Variants in DSG1 observed in about 807,000 individuals in gnomAD.
DSG1 encodes desmoglein 1.
A neutral mutation model predicts 97.5 loss-of-function variants in DSG1; 39 were observed. That is an observed-to-expected ratio of 0.40 (90% confidence interval 0.31 to 0.52). The LOEUF (loss-of-function observed/expected upper bound fraction) is 0.52, where lower values mean the gene tolerates loss of function less well. Ranked by LOEUF, DSG1 falls within the 20% of genes least tolerant of loss-of-function variation. DSG1 has a pLI of 0.53. For missense variants in DSG1, 1,311 were observed against 1,295.4 expected, an observed-to-expected ratio of 1.01 and a Z score of -0.18; for synonymous variants, 475 against 443.4, an observed-to-expected ratio of 1.07 and a Z score of -0.90.
intron 11 of DSG1, 150 bp downstream of exon 11, chr18:31,340,175 A>C (rs2071780211): frequency 3.4e-6 from 3 of 876,378 alleles, no homozygotes; most frequent in African/African-American, 3.4e-5. Context: ...TGGGTTTATA[A>C]GATGAAAAAA....
Position 31,328,387 on chromosome 18 carries a change from C to T in DSG1, c.372+43C>T, listed in dbSNP as rs199753914. ...CAATATATATGTTCATGCTTAAATT[C>T]TTCTCAGAAGTTCTTAATCTCAGAT... On this transcript the variant is annotated intron_variant, in intron 4 of 14. Coordinates refer to ENST00000257192, the MANE Select transcript of DSG1 (RefSeq NM_001942.4). The T allele has an allele frequency of 9.6e-5, 151 of 1,580,114 alleles. No homozygotes were observed. In the East Asian group the frequency reaches 3.3e-3, roughly 34 times the overall value.
chr18:31,325,861 C>T (rs1462749657), intron 1 of DSG1, among the ~76,000 whole-genome samples: 2 of 152,084 alleles, frequency 1.3e-5, no homozygotes, highest in East Asian at 1.9e-4. Flanking sequence ...ATATCCAAGA[C>T]TCAATTTCCT....
chr18:31,321,713 C>T (rs528499788), intron 1 of DSG1, among the ~76,000 whole-genome samples: 6 of 152,284 alleles, frequency 3.9e-5, no homozygotes, highest in Non-Finnish European at 7.4e-5. Context: ...AGAATGCTGT[C>T]TTAAATCTGA....
At chr18:31,319,155 T>C (rs1021588525) in intron 1 of DSG1, among the ~76,000 whole-genome samples, 4 of 152,234 alleles carry the variant, frequency 2.6e-5, no homozygotes, top group African/African-American at 9.6e-5. Context: ...GTAGAGATAA[T>C]ACTAAGTGCA....
Position 31,326,579 on chromosome 18 carries a change from A to T in DSG1, c.49-2A>T. On this transcript the variant is annotated splice_acceptor_variant, in intron 1 of 14. Coordinates refer to ENST00000257192, the MANE Select transcript of DSG1 (RefSeq NM_001942.4). LOFTEE classifies it high-confidence loss of function. ...CTAGTGTGATTATCTTATTTTTTAC[A>T]GGTGGTGGTAGAAGTTAACAGTGAA... 6.3e-7 allele frequency: 1 copy of T among 1,598,724 alleles called. No individual in the cohort carries two copies. Among genetic ancestry groups the T allele is most frequent in the Non-Finnish European group, 8.6e-7 (1 of 1,167,108 alleles).
intron 6 of DSG1, 146 bp downstream of exon 6, chr18:31,332,013 T>A: frequency 1.3e-6 from 1 of 745,388 alleles, no homozygotes; most frequent in Non-Finnish European, 2.1e-6. Context: ...ATGTAAGAAA[T>A]ATTTTTTAAA....
chr18:31,345,769 T>C (rs1412482656), intron 13 of DSG1, among the ~76,000 whole-genome samples: 1 of 152,204 alleles, frequency 6.6e-6, no homozygotes, highest in Non-Finnish European at 1.5e-5. Flanking sequence ...CAGCAGAGAA[T>C]ATAGTAATCT....
Position 31,339,841 on chromosome 18 carries a change from T to C in DSG1, c.1503T>C (p.Thr501=), listed in dbSNP as rs1452368295. 1.2e-6 allele frequency: 2 copies of C among 1,614,022 alleles called. No homozygotes were observed. The highest frequency in any genetic ancestry group is 1.7e-6 in the Non-Finnish European group (2 of 1,179,886). Residue 501 remains threonine, a synonymous_variant, in exon 11 of 15, where the codon ACT becomes ACC. Coordinates refer to ENST00000257192, the MANE Select transcript of DSG1 (RefSeq NM_001942.4). ...RTNTEPNTKI[T]TNTGRQESTS... is the part of the protein sequence containing the mutation. ...ATACAGAGCCGAACACTAAAATTAC[T>C]ACCAATACTGGCAGACAAGAAAGTA... is the stretch of plus-strand genomic sequence containing the variant.
chr18:31,355,162 G>C lies in DSG1; in HGVS notation c.2966G>C (p.Gly989Ala). Residue 989 changes from glycine (G) to alanine (A), a missense_variant, in exon 15 of 15, where the codon GGT becomes GCT. Gly to Ala is a moderately conservative substitution (Grantham distance 60). This residue lies in a region of DSG1 where 1,038 missense variants were observed against 964.6 expected (regional missense o/e 1.08). Transcript: ENST00000257192. ...LVGTSMGAGS[G>A]ALSGAGISGG... ...GGCACCAGCATGGGTGCTGGGAGCG[G>C]TGCCCTGAGTGGAGCTGGCATAAGT... The C allele has an allele frequency of 6.2e-7, 1 of 1,607,318 alleles. No homozygotes were observed.
chr18:31,334,926 C>G (rs375652196), intron 8 of DSG1, among the ~76,000 whole-genome samples: 1 of 152,074 alleles, frequency 6.6e-6, no homozygotes, highest in African/African-American at 2.4e-5. Context: ...CTTACACAGT[C>G]GATTTTTAAA....
Position 31,355,548 on chromosome 18 carries a change from T to C in DSG1, c.*202T>C. 1.6e-6 allele frequency: 1 copy of C among 615,638 alleles called. No homozygotes were observed. The allele number at this position is 615,638 out of a possible 1,614,324, so 38.1% of individuals were successfully genotyped here. A position where few individuals can be genotyped will look rare whatever the true frequency, so the allele number is the denominator to read the frequency against. Reference sequence around the variant, plus strand: ...TTAGCATTCATAAACTTTTCTCTTATATTAGGACTAAGGAACTAAAACTTG... The same window carrying C: ...TTAGCATTCATAAACTTTTCTCTTACATTAGGACTAAGGAACTAAAACTTG... On this transcript the variant is annotated 3_prime_UTR_variant, in exon 15 of 15. Transcript: ENST00000257192.
intron 14 of DSG1, chr18:31,347,868 C>T (rs1453860679): frequency 1.4e-5 from 2 of 140,940 alleles, no homozygotes; most frequent in Admixed American, 1.3e-4. Flanking sequence ...CAACTATGAA[C>T]TACTTTTCCA....
rs1000994158 is a variant in DSG1, at chr18:31,355,957, G to A, written c.*611G>A. On this transcript the variant is annotated 3_prime_UTR_variant, in exon 15 of 15. Coordinates refer to ENST00000257192, the MANE Select transcript of DSG1 (RefSeq NM_001942.4). Reference sequence around the variant, plus strand: ...TAGGAGGAAAATTCCATTAGAGAGTGGCAATAGGATGAGGTTTCTTCAGGG... The same window carrying A: ...TAGGAGGAAAATTCCATTAGAGAGTAGCAATAGGATGAGGTTTCTTCAGGG... 1 of 153,830 alleles carries A rather than the reference G, an allele frequency of 6.5e-6. No individual in the cohort carries two copies. The highest frequency in any genetic ancestry group is 2.4e-5 in the African/African-American group (1 of 41,436). 9.5% of individuals were successfully genotyped at this position (153,830 alleles called of 1,614,324 possible).
intron 10 of DSG1, among the ~76,000 whole-genome samples, chr18:31,338,944 A>G (rs2071771707): frequency 6.6e-6 from 1 of 152,144 alleles, no homozygotes; most frequent in African/African-American, 2.4e-5. Flanking sequence ...TCCTAACTAA[A>G]TGTCAGCCAT....
At position 31,358,969 on chromosome 18, in the gene DSG1, C is replaced by A. The variant is rs1297765073; in HGVS notation, c.*3623C>A. Among the ~76,000 whole-genome samples, 1 of 152,112 alleles carries A rather than the reference C, an allele frequency of 6.6e-6. No homozygotes were observed. The highest frequency in any genetic ancestry group is 2.4e-5 in the African/African-American group (1 of 41,432). On this transcript the variant is annotated 3_prime_UTR_variant, in exon 15 of 15. Coordinates refer to ENST00000257192, the MANE Select transcript of DSG1 (RefSeq NM_001942.4). ...ATGTGTAATCTTGTTTGTCTACATT[C>A]TCTCCCCAGTTTAGCTGTATTTGAA... is the stretch of plus-strand genomic sequence containing the variant.
intron 6 of DSG1, among the ~76,000 whole-genome samples, chr18:31,332,715 G>A (rs554404839): frequency 6.6e-6 from 1 of 152,044 alleles, no homozygotes; most frequent in African/African-American, 2.4e-5. Flanking sequence ...TGACTTTTAG[G>A]TTTAGGATAA....
intron 1 of DSG1, among the ~76,000 whole-genome samples, chr18:31,323,044 T>C (rs925428624): frequency 5.3e-5 from 8 of 152,180 alleles, no homozygotes; most frequent in African/African-American, 1.9e-4. Context: ...AATTATTTAC[T>C]GTTTTCATAG....
Position 31,354,822 on chromosome 18 carries a change from G to A in DSG1, c.2626G>A (p.Asp876Asn). The change falls in exon 15 of 15, where the codon GAT becomes AAT. Residue 876 changes from aspartate (D) to asparagine (N), a missense_variant. Physicochemically the swap from Asp to Asn is conservative, Grantham distance 23 (BLOSUM62 1). Coordinates refer to ENST00000257192, the MANE Select transcript of DSG1 (RefSeq NM_001942.4). ...ERVVGPISGA[D>N]LHGMLEMPDL... ...AGTGGTCGGCCCAATCTCTGGCGCT[G>A]ATTTGCATGGAATGTTAGAGATGCC... 6.2e-7 allele frequency: 1 copy of A among 1,614,150 alleles called. No homozygotes were observed. The highest frequency in any genetic ancestry group is 1.3e-5 in the African/African-American group (1 of 75,034).
rs1311415727 is a variant in DSG1, at chr18:31,355,991, C to T, written c.*645C>T. ...ATGAGGTTTCTTCAGGGTAAACTAG[C>T]AATGCCTGAGCCTGAACCTTAATGT... On this transcript the variant is annotated 3_prime_UTR_variant, in exon 15 of 15. Coordinates refer to ENST00000257192, the MANE Select transcript of DSG1 (RefSeq NM_001942.4). 6.5e-6 allele frequency: 1 copy of T among 153,330 alleles called. No individual in the cohort carries two copies. Among genetic ancestry groups the T allele is most frequent in the African/African-American group, 2.4e-5 (1 of 41,436 alleles). The allele number at this position is 153,330 out of a possible 1,614,324, so 9.5% of individuals were successfully genotyped here. A position where few individuals can be genotyped will look rare whatever the true frequency, so the allele number is the denominator to read the frequency against.
Sources: allele counts gnomAD v4.1 joint callset (sites outside exome capture counted in the v4.1 genomes callset), GRCh38; gene constraint gnomAD v4.1.1; regional missense constraint gnomAD v4.1.1; transcripts MANE v1.5; gene names NCBI Gene and HGNC (gene_info 2026-07-23, HGNC 2026-07-21).